The following PIK3CA variants were observed in gnomAD, a reference collection of about 807,000 sequenced individuals.
PIK3CA encodes the protein phosphatidylinositol-4,5-bisphosphate 3-kinase catalytic subunit alpha, also known as phosphatidylinositol 4,5-bisphosphate 3-kinase catalytic subunit alpha isoform.
PIK3CA carries 27 observed loss-of-function variants against 138.2 expected under a neutral mutation model. The observed-to-expected ratio is 0.20, with a 90% confidence interval of 0.14 to 0.27. The LOEUF (loss-of-function observed/expected upper bound fraction) is 0.27, where lower values mean the gene tolerates loss of function less well. Among genes scored for constraint, PIK3CA ranks in the 10% least tolerant of loss-of-function variants. The probability of loss-of-function intolerance (pLI) is 1.00; values close to 1 mark genes in which losing one functional copy is unlikely to be tolerated. For missense variants in PIK3CA, 544 were observed against 1,277.4 expected (o/e 0.43, Z 8.75); for synonymous variants, 358 against 413.2 (o/e 0.87, Z 1.62).
intron 1 of PIK3CA, among the ~76,000 whole-genome samples, chr3:179,196,577 A>G (rs544460193): frequency 9.2e-5 from 14 of 152,294 alleles, no homozygotes; most frequent in African/African-American, 3.1e-4. Flanking sequence ...TATTTTTCTT[A>G]TATTCTTCAT....
chr3:179,236,218 G>T lies in PIK3CA; in HGVS notation c.*1854G>T. 1 of 204,854 alleles carries T rather than the reference G, an allele frequency of 4.9e-6. No homozygotes were observed. Among genetic ancestry groups the T allele is most frequent in the African/African-American group, 2.3e-5 (1 of 43,836 alleles). The allele number at this position is 204,854 out of a possible 1,614,324, so 12.7% of individuals were successfully genotyped here. ...AAAGGGCATAATTATTGGAAATTTA[G>T]GTATTTCACTAAAGCATGTATATAA... is the stretch of plus-strand genomic sequence containing the variant. On this transcript the variant is annotated 3_prime_UTR_variant, in exon 21 of 21. Transcript: ENST00000263967.
At chr3:179,157,211 T>C (rs1473001034) in intron 1 of PIK3CA, among the ~76,000 whole-genome samples, 4 of 152,156 alleles carry the variant, frequency 2.6e-5, no homozygotes, top group African/African-American at 9.7e-5. Context: ...TTATATGCCT[T>C]CTGAAGCTTT....
chr3:179,208,149 A>G (rs1033051190), intron 6 of PIK3CA, among the ~76,000 whole-genome samples: 11 of 152,198 alleles, frequency 7.2e-5, no homozygotes, highest in Admixed American at 2.6e-4. Context: ...TCTTGTTTCT[A>G]TAAATAGACC....
intron 6 of PIK3CA, among the ~76,000 whole-genome samples, chr3:179,206,131 G>A (rs1287013455): frequency 7.1e-6 from 1 of 140,354 alleles, no homozygotes; most frequent in Non-Finnish European, 1.5e-5. Context: ...TCACCCTGTG[G>A]CCCAGGCTGG....
intron 1 of PIK3CA, among the ~76,000 whole-genome samples, chr3:179,166,334 T>C: frequency 6.6e-6 from 1 of 152,246 alleles, no homozygotes; most frequent in Non-Finnish European, 1.5e-5. Context: ...CCCTTCCATT[T>C]TTACCCACAC....
intron 1 of PIK3CA, among the ~76,000 whole-genome samples, chr3:179,162,848 A>G (rs1224502464): frequency 6.6e-6 from 1 of 151,518 alleles, no homozygotes; most frequent in East Asian, 1.9e-4. Context: ...GTTTAGCCTA[A>G]TTCTCTTCTT....
At chr3:179,222,997 G>C (rs1725002965) in intron 14 of PIK3CA, among the ~76,000 whole-genome samples, 1 of 152,152 alleles carries the variant, frequency 6.6e-6, no homozygotes, top group Admixed American at 6.6e-5. Context: ...TCATTACTCA[G>C]ATCATTATTG....
intron 1 of PIK3CA, among the ~76,000 whole-genome samples, chr3:179,197,515 C>A (rs561539157): frequency 7.9e-5 from 12 of 152,348 alleles, no homozygotes; most frequent in African/African-American, 2.9e-4. Flanking sequence ...TCTTCATATT[C>A]TTTGCCTTGT....
intron 1 of PIK3CA, among the ~76,000 whole-genome samples, chr3:179,181,829 T>C (rs1723853869): frequency 6.6e-6 from 1 of 152,170 alleles, no homozygotes; most frequent in Non-Finnish European, 1.5e-5. Flanking sequence ...CTTTAAAGTC[T>C]TGTAATTTAA....
intron 17 of PIK3CA, among the ~76,000 whole-genome samples, chr3:179,226,611 A>G (rs911877123): frequency 6.6e-6 from 1 of 152,026 alleles, no homozygotes; most frequent in Non-Finnish European, 1.5e-5. Flanking sequence ...GGCAAAGCCC[A>G]CTCTGTCCAA....
chr3:179,233,648 A>G (rs927413309), intron 20 of PIK3CA, among the ~76,000 whole-genome samples: 3 of 152,188 alleles, frequency 2.0e-5, no homozygotes, highest in Non-Finnish European at 2.9e-5. Flanking sequence ...GAGGAAAGTC[A>G]GTCAACCATA....
chr3:179,164,083 T>G (rs1441885738), intron 1 of PIK3CA, among the ~76,000 whole-genome samples: 1 of 152,212 alleles, frequency 6.6e-6, no homozygotes. Flanking sequence ...ATGAAGAGTT[T>G]ACAATAATTT....
At chr3:179,177,918 G>A (rs1282674397) in intron 1 of PIK3CA, among the ~76,000 whole-genome samples, 1 of 151,934 alleles carries the variant, frequency 6.6e-6, no homozygotes, top group Non-Finnish European at 1.5e-5. Context: ...ATTTACAAGG[G>A]ATTAAAGATG....
chr3:179,194,570 T>C (rs1576929946), intron 1 of PIK3CA, among the ~76,000 whole-genome samples: 1 of 152,200 alleles, frequency 6.6e-6, no homozygotes, highest in East Asian at 1.9e-4. Context: ...AACTCTAACA[T>C]GGTTTTACAT....
chr3:179,153,445 C>G (rs796486806), intron 1 of PIK3CA, among the ~76,000 whole-genome samples: 8 of 152,254 alleles, frequency 5.3e-5, no homozygotes, highest in African/African-American at 1.9e-4. Flanking sequence ...AATTCTACAC[C>G]TGGCATGTTT....
Position 179,210,229 on chromosome 3 carries a change from A to G in PIK3CA, c.1295A>G (p.Tyr432Cys). 1 of 1,592,014 alleles carries G rather than the reference A, an allele frequency of 6.3e-7. No homozygotes were observed. The highest frequency in any genetic ancestry group is 8.5e-7 in the Non-Finnish European group (1 of 1,174,246). ...LAWGNINLFD[Y>C]TDTLVSGKMA... The stretch of plus-strand genomic sequence containing the variant: ...TGGGGAAATATAAACTTGTTTGATT[A>G]CACAGACACTCTAGTATCTGGAAAA... Residue 432 changes from tyrosine to cysteine, a missense_variant, in exon 8 of 21, where the codon TAC (tyrosine) becomes TGC (cysteine). Physicochemically the swap from Tyr to Cys is radical, Grantham distance 194 (BLOSUM62 -2). Around this residue, in one of 14 missense-constraint regions of PIK3CA, gnomAD observed 234 missense variants for 401.3 expected, o/e 0.58. Coordinates refer to ENST00000263967, the MANE Select transcript of PIK3CA (RefSeq NM_006218.4).
upstream of PIK3CA, chr3:179,148,178 G>C (rs551754881): frequency 2.6e-5 from 4 of 152,332 alleles, no homozygotes; most frequent in East Asian, 1.9e-4. Context: ...GGAGGGGGGG[G>C]GCCGAGGGGG....
At position 179,217,349 on chromosome 3, in the gene PIK3CA, T is replaced by C. The variant is rs527871288; in HGVS notation, c.1540-861T>C. On this transcript the variant is annotated intron_variant, in intron 9 of 20. Coordinates refer to ENST00000263967, the MANE Select transcript of PIK3CA (RefSeq NM_006218.4). Reference sequence around the variant, plus strand: ...AGAGGCTCTGTTAGTGCAGGGTCTTTTACTATTTTGTAATCCCAACAGCAA... The same window carrying C: ...AGAGGCTCTGTTAGTGCAGGGTCTTCTACTATTTTGTAATCCCAACAGCAA... Among the ~76,000 whole-genome samples the C allele has an allele frequency of 5.9e-5, 9 of 152,274 alleles. No homozygotes were observed. In the South Asian group the frequency reaches 1.9e-3, roughly 32 times the overall value.
At chr3:179,199,475 A>G (rs1034630905) in intron 2 of PIK3CA, among the ~76,000 whole-genome samples, 4 of 152,066 alleles carry the variant, frequency 2.6e-5, no homozygotes, top group Non-Finnish European at 4.4e-5. Flanking sequence ...CCTTTGCTCT[A>G]AATTGCTGAA....
Sources: gnomAD v4.1 joint callset for allele counts (sites outside exome capture counted in the v4.1 genomes callset) on GRCh38, gnomAD v4.1.1 for gene constraint, gnomAD v4.1.1 regional missense constraint, MANE v1.5 for transcripts, NCBI Gene and HGNC (gene_info 2026-07-23, HGNC 2026-07-21) for gene names.